The following B3GALT1 variants were observed in gnomAD, a reference collection of about 807,000 sequenced individuals.
The protein encoded by B3GALT1 is UDP-Gal:betaGlcNAc beta 1,3-galactosyltransferase, polypeptide 1.
In B3GALT1, 10 loss-of-function variants were observed where a neutral mutation model predicts 23.2. That is an observed-to-expected ratio of 0.43 (90% CI 0.27 to 0.73). B3GALT1 has a LOEUF of 0.73. Among genes scored for constraint, B3GALT1 ranks in the 30% least tolerant of loss-of-function variants. B3GALT1 has a pLI of 0.21. For synonymous variants in B3GALT1, 156 were observed against 141.5 expected, an observed-to-expected ratio of 1.10 and a Z score of -0.73; for missense variants, 299 against 405.4, an observed-to-expected ratio of 0.74 and a Z score of 2.25.
chr2:167,357,165 AT>A (rs1444331233), intron 1 of B3GALT1, among the ~76,000 whole-genome samples: 1 of 152,034 alleles, frequency 6.6e-6, no homozygotes, highest in Non-Finnish European at 1.5e-5. Flanking sequence ...AACAATATTT[AT>A]GTGTAATACC....
chr2:167,457,458 C>G (rs1699189672), intron 1 of B3GALT1, among the ~76,000 whole-genome samples: 1 of 151,896 alleles, frequency 6.6e-6, no homozygotes, highest in African/African-American at 2.4e-5. Flanking sequence ...TAGACGTGAG[C>G]CACCATGCCT....
At chr2:167,475,048 G>A (rs1262935482) in intron 1 of B3GALT1, among the ~76,000 whole-genome samples, 1 of 152,140 alleles carries the variant, frequency 6.6e-6, no homozygotes, top group Non-Finnish European at 1.5e-5. Context: ...ATAAGAAAGT[G>A]CAGTAGATAC....
intron 1 of B3GALT1, among the ~76,000 whole-genome samples, chr2:167,466,744 G>GC (rs936758112): frequency 1.3e-5 from 2 of 149,870 alleles, no homozygotes; most frequent in Admixed American, 6.7e-5. Context: ...ACAGAGTCTT[G>GC]CTCTTTTGCC....
At chr2:167,677,673 T>A (rs1262531477) in intron 3 of B3GALT1, among the ~76,000 whole-genome samples, 1 of 151,510 alleles carries the variant, frequency 6.6e-6, no homozygotes, top group Non-Finnish European at 1.5e-5. Flanking sequence ...TGCCTTTGTA[T>A]TTTTTTTTCA....
intron 1 of B3GALT1, among the ~76,000 whole-genome samples, chr2:167,329,823 T>C (rs78268110): frequency 7.0e-6 from 1 of 142,476 alleles, no homozygotes. Flanking sequence ...TTTTTTTTTT[T>C]CCTCTTTCAG....
chr2:167,701,792 T>G (rs185018157), intron 3 of B3GALT1, among the ~76,000 whole-genome samples: 1 of 152,222 alleles, frequency 6.6e-6, no homozygotes, highest in Admixed American at 6.5e-5. Context: ...TAACGTTTCC[T>G]GGCCAGGCAT....
intron 3 of B3GALT1, among the ~76,000 whole-genome samples, chr2:167,807,908 A>C (rs550015201): frequency 1.2e-3 from 181 of 152,254 alleles, no homozygotes; most frequent in African/African-American, 4.2e-3. Flanking sequence ...GGGGTGTTAA[A>C]GTCTCCCATT....
At chr2:167,391,442 A>AAT (rs1342798925) in intron 1 of B3GALT1, among the ~76,000 whole-genome samples, 1 of 152,236 alleles carries the variant, frequency 6.6e-6, no homozygotes, top group Non-Finnish European at 1.5e-5. Flanking sequence ...TTTTAAGCCT[A>AAT]ATAAATCAGT....
chr2:167,659,585 A>G (rs1209701499), intron 3 of B3GALT1, among the ~76,000 whole-genome samples: 2 of 152,104 alleles, frequency 1.3e-5, no homozygotes, highest in Non-Finnish European at 2.9e-5. Context: ...TGGTTTGTGG[A>G]CAGTAGATGC....
At chr2:167,629,301 T>C (rs1413458956) in intron 2 of B3GALT1, among the ~76,000 whole-genome samples, 1 of 151,740 alleles carries the variant, frequency 6.6e-6, no homozygotes, top group Non-Finnish European at 1.5e-5. Context: ...TGAACAGGGA[T>C]GAACTGGACA....
At chr2:167,318,190 G>A (rs998205141) in intron 1 of B3GALT1, among the ~76,000 whole-genome samples, 3 of 151,908 alleles carry the variant, frequency 2.0e-5, no homozygotes, top group Non-Finnish European at 4.4e-5. Context: ...AGCCAGGTGT[G>A]GTGGCGGGCG....
chr2:167,866,000 CTCT>C (rs937711621), intron 4 of B3GALT1, among the ~76,000 whole-genome samples: 3 of 152,084 alleles, frequency 2.0e-5, no homozygotes, highest in African/African-American at 7.2e-5. Context: ...TCATCCTATC[CTCT>C]TCTTTTACTC....
chr2:167,469,049 G>A (rs1451233505), intron 1 of B3GALT1, among the ~76,000 whole-genome samples: 1 of 152,124 alleles, frequency 6.6e-6, no homozygotes, highest in African/African-American at 2.4e-5. Context: ...GTGTATGAAG[G>A]TGCAAGGACC....
intron 3 of B3GALT1, among the ~76,000 whole-genome samples, chr2:167,786,108 C>G (rs544057192): frequency 1.3e-5 from 2 of 152,318 alleles, no homozygotes; most frequent in African/African-American, 2.4e-5. Flanking sequence ...GCCTCCTACC[C>G]TGAATTTGGA....
intron 1 of B3GALT1, among the ~76,000 whole-genome samples, chr2:167,416,198 G>A (rs544065613): frequency 3.3e-5 from 5 of 152,244 alleles, no homozygotes; most frequent in African/African-American, 1.2e-4. Flanking sequence ...CAGGCCCAGA[G>A]GCTTAGGAGG....
intron 4 of B3GALT1, among the ~76,000 whole-genome samples, chr2:167,861,756 T>G (rs1043149542): frequency 6.6e-6 from 1 of 152,192 alleles, no homozygotes; most frequent in African/African-American, 2.4e-5. Flanking sequence ...ATCTTCTGCC[T>G]CTGTCTCCTA....
chr2:167,307,332 T>C (rs1159949388), intron 1 of B3GALT1, among the ~76,000 whole-genome samples: 1 of 152,062 alleles, frequency 6.6e-6, no homozygotes, highest in Admixed American at 6.6e-5. Flanking sequence ...TATCTTATTC[T>C]CTTTGCTCAG....
intron 3 of B3GALT1, among the ~76,000 whole-genome samples, chr2:167,655,709 A>T (rs1685944579): frequency 2.0e-5 from 3 of 152,170 alleles, no homozygotes; most frequent in African/African-American, 7.2e-5. Context: ...TTTCTCAGTT[A>T]TACATATGTG....
intron 1 of B3GALT1, among the ~76,000 whole-genome samples, chr2:167,447,527 G>C (rs1463413179): frequency 6.6e-6 from 1 of 152,142 alleles, no homozygotes. Context: ...GAGCTTCCTG[G>C]CTGCTTTGTT....
Sources: allele counts gnomAD v4.1 joint callset (sites outside exome capture counted in the v4.1 genomes callset), GRCh38; gene constraint gnomAD v4.1.1; transcripts MANE v1.5; gene names NCBI Gene and HGNC (gene_info 2026-07-23, HGNC 2026-07-21).